The following CRLF3 variants were observed in gnomAD, a reference collection of about 807,000 sequenced individuals.
The protein encoded by CRLF3 is cytokine receptor-like factor 3.
A neutral mutation model predicts 55.0 loss-of-function variants in CRLF3; 33 were observed. The ratio of observed to expected loss-of-function variants is 0.60; its 90% confidence interval spans 0.46 to 0.80. The LOEUF is 0.80. CRLF3 is among the 30% of genes least tolerant of loss of function. The pLI is 0.00. For missense variants in CRLF3, 494 were observed against 538.4 expected (o/e 0.92, Z 0.82); for synonymous variants, 238 against 196.8 (o/e 1.21, Z -1.75).
chr17:30,794,374 C>A (rs1359734978), intron 4 of CRLF3, among the ~76,000 whole-genome samples: 1 of 152,042 alleles, frequency 6.6e-6, no homozygotes, highest in African/African-American at 2.4e-5. Context: ...TAATTAGCCA[C>A]CCAATAGAAA....
At chr17:30,815,431 A>G (rs1174493714) in intron 1 of CRLF3, among the ~76,000 whole-genome samples, 1 of 151,744 alleles carries the variant, frequency 6.6e-6, no homozygotes, top group African/African-American at 2.4e-5. Context: ...CATGTTGGCC[A>G]GGCTGGTCTT....
At chr17:30,798,681 A>G (rs2142258144) in intron 2 of CRLF3, among the ~76,000 whole-genome samples, 1 of 152,172 alleles carries the variant, frequency 6.6e-6, no homozygotes, top group African/African-American at 2.4e-5. Context: ...TCTACTAAAA[A>G]TACAAAAAGT....
At chr17:30,784,667 C>G (rs1971593891) in intron 7 of CRLF3, 1 of 429,604 alleles carries the variant, frequency 2.3e-6, no homozygotes, top group Non-Finnish European at 4.1e-6. Flanking sequence ...GACAGTGTTA[C>G]AAAATTACCT....
intron 2 of CRLF3, among the ~76,000 whole-genome samples, chr17:30,797,611 T>G (rs941659201): frequency 2.0e-5 from 3 of 152,184 alleles, no homozygotes; most frequent in South Asian, 2.1e-4. Flanking sequence ...GGCAACATTT[T>G]GCCAGAGATG....
intron 1 of CRLF3, among the ~76,000 whole-genome samples, chr17:30,815,373 A>G (rs1904763936): frequency 6.6e-6 from 1 of 150,730 alleles, no homozygotes; most frequent in Admixed American, 6.6e-5. Context: ...GGTGTGAGCC[A>G]TTGCGCCTGG....
intron 1 of CRLF3, among the ~76,000 whole-genome samples, chr17:30,813,754 C>T (rs1378481369): frequency 7.3e-6 from 1 of 136,652 alleles, no homozygotes; most frequent in African/African-American, 2.6e-5. Context: ...CTATCCCTCC[C>T]CCCTCCCCAC....
At position 30,803,914 on chromosome 17, in the gene CRLF3, G is replaced by C. The variant is rs758593649; in HGVS notation, c.324C>G (p.Asp108Glu). 8 of 1,611,604 alleles carry C rather than the reference G, an allele frequency of 5.0e-6. No homozygotes were observed. Among genetic ancestry groups the C allele is most frequent in the Non-Finnish European group, 6.8e-6 (8 of 1,179,438 alleles). The change falls in exon 2 of 8, where the codon GAC becomes GAG. Residue 108 changes from aspartate (D) to glutamate (E), a missense_variant. Transcript: ENST00000324238. ...LIEHGVNTAE[D>E]LVREGEIAML... is the part of the protein sequence containing the mutation. ...CTGGTCCCCCACCTTCTCGGACTAA[G>C]TCCTCTGCAGTGTTGACTCCGTGTT...
intron 1 of CRLF3, among the ~76,000 whole-genome samples, chr17:30,812,143 C>T (rs1374282762): frequency 1.3e-5 from 2 of 151,990 alleles, no homozygotes; most frequent in African/African-American, 4.8e-5. Flanking sequence ...AAAATAAAGA[C>T]AAAGATAAAA....
intron 7 of CRLF3, chr17:30,785,124 A>T (rs566470299): frequency 1.6e-5 from 2 of 127,046 alleles, no homozygotes; most frequent in African/African-American, 6.2e-5. Context: ...GGAGTCTCAC[A>T]CTGTTACCTG....
At position 30,807,517 on chromosome 17, in the gene CRLF3, C is replaced by CTTTTTTTTTTTT. The variant is rs778842582; in HGVS notation, c.130-3421_130-3410dup. Reference sequence around the variant, plus strand: ...CAGACCATAGAAACAATTTTCTTTCCTTTTTTTTTTTTTTTTTTTTTTTTT... The same window carrying CTTTTTTTTTTTT: ...CAGACCATAGAAACAATTTTCTTTCCTTTTTTTTTTTTTTTTTTTTTTTTTTTTTTTTTTTTT... On this transcript the variant is annotated intron_variant, in intron 1 of 7. Transcript: ENST00000324238. Among the ~76,000 whole-genome samples the CTTTTTTTTTTTT allele has an allele frequency of 3.0e-4, 19 of 62,970 alleles. 1 individual carries two copies. Among genetic ancestry groups the CTTTTTTTTTTTT allele is most frequent in the East Asian group, 1.1e-3 (3 of 2,620 alleles). 41.3% of individuals were successfully genotyped at this position (62,970 alleles called of 152,430 possible).
chr17:30,821,567 T>C (rs1904998904), intron 1 of CRLF3, among the ~76,000 whole-genome samples: 1 of 152,200 alleles, frequency 6.6e-6, no homozygotes, highest in African/African-American at 2.4e-5. Context: ...AAATAAAATG[T>C]GGTATATCCA....
At chr17:30,822,176 TC>T (rs746325794) in intron 1 of CRLF3, among the ~76,000 whole-genome samples, 1 of 152,198 alleles carries the variant, frequency 6.6e-6, no homozygotes, top group Non-Finnish European at 1.5e-5. Context: ...CTCATGCTTC[TC>T]CCATGCAAAA....
Position 30,795,496 on chromosome 17 carries a change from CAAA to C in CRLF3, c.603+661_603+663del, listed in dbSNP as rs540173272. On this transcript the variant is annotated intron_variant, in intron 4 of 7. Coordinates refer to ENST00000324238, the MANE Select transcript of CRLF3 (RefSeq NM_015986.4). ...GAACAACAACAACGAAACTCTGTCT[CAAA>C]AAAAAAAAAAAAGAAAATGTCAGCC... Among the ~76,000 whole-genome samples the C allele has an allele frequency of 1.3e-3, 128 of 100,512 alleles. No individual in the cohort carries two copies. The South Asian group carries it at 0.029, about 23-fold the overall frequency. 65.9% of individuals were successfully genotyped at this position (100,512 alleles called of 152,430 possible).
chr17:30,789,096 G>T (rs1255021764), intron 6 of CRLF3, among the ~76,000 whole-genome samples: 1 of 152,018 alleles, frequency 6.6e-6, no homozygotes, highest in African/African-American at 2.4e-5. Flanking sequence ...TTTAAACAAG[G>T]GGAGAAAACA....
chr17:30,811,647 C>CA (rs1392804682), intron 1 of CRLF3, among the ~76,000 whole-genome samples: 2 of 148,712 alleles, frequency 1.3e-5, no homozygotes, highest in African/African-American at 5.0e-5. Flanking sequence ...ACTAAAAATA[C>CA]AAAAAAATTA....
chr17:30,819,622 T>C (rs1463652818), intron 1 of CRLF3, among the ~76,000 whole-genome samples: 5 of 152,094 alleles, frequency 3.3e-5, no homozygotes, highest in Non-Finnish European at 7.4e-5. Flanking sequence ...GGACTACAGG[T>C]GCACGCTACC....
At chr17:30,799,126 T>C (rs866675380) in intron 2 of CRLF3, among the ~76,000 whole-genome samples, 33 of 151,084 alleles carry the variant, frequency 2.2e-4, no homozygotes, top group African/African-American at 7.5e-4. Context: ...ACAAAAAATT[T>C]GCTGGGCGTG....
At chr17:30,789,452 A>G (rs183217792) in intron 6 of CRLF3, among the ~76,000 whole-genome samples, 1 of 152,204 alleles carries the variant, frequency 6.6e-6, no homozygotes, top group Non-Finnish European at 1.5e-5. Flanking sequence ...GAAAGGTCAT[A>G]AGAGGTAAAA....
At chr17:30,801,360 C>G (rs1014091950) in intron 2 of CRLF3, 1 of 151,674 alleles carries the variant, frequency 6.6e-6, no homozygotes, top group African/African-American at 2.4e-5. Flanking sequence ...CTCCTGGGCT[C>G]AAGTGATCCA....
Sources: gnomAD v4.1 joint callset for allele counts (sites outside exome capture counted in the v4.1 genomes callset) on GRCh38, gnomAD v4.1.1 for gene constraint, MANE v1.5 for transcripts, NCBI Gene and HGNC (gene_info 2026-07-23, HGNC 2026-07-21) for gene names.